NCAM2: variants seen among roughly 807,000 people sequenced by gnomAD.
NCAM2 encodes the protein N-CAM-2.
Under a neutral mutation model 98.1 loss-of-function variants are expected in NCAM2, and 30 were observed. The ratio of observed to expected loss-of-function variants is 0.31; its 90% CI spans 0.23 to 0.41. The LOEUF is 0.41. Ranked by LOEUF, NCAM2 falls within the 10% of genes least tolerant of loss-of-function variation. NCAM2 has a pLI of 1.00. For missense variants in NCAM2, 867 were observed against 1,005.8 expected, an observed-to-expected ratio of 0.86 and a Z score of 1.87; for synonymous variants, 368 against 342.4, an observed-to-expected ratio of 1.07 and a Z score of -0.83.
intron 12 of NCAM2, among the ~76,000 whole-genome samples, chr21:21,436,125 T>C (rs2146051606): frequency 6.6e-6 from 1 of 152,354 alleles, no homozygotes; most frequent in East Asian, 1.9e-4. Flanking sequence ...ATATGAAATG[T>C]GATGTTAATA....
intron 14 of NCAM2, among the ~76,000 whole-genome samples, chr21:21,470,786 G>T (rs553306951): frequency 2.8e-5 from 4 of 141,556 alleles, no homozygotes; most frequent in African/African-American, 9.5e-5. Context: ...AACTATAATT[G>T]TCTGATAATC....
intron 1 of NCAM2, among the ~76,000 whole-genome samples, chr21:21,203,461 A>G (rs1027228704): frequency 3.3e-5 from 5 of 152,168 alleles, no homozygotes; most frequent in African/African-American, 1.2e-4. Context: ...TTGCCTGTAC[A>G]AAGTTCCTTT....
At chr21:21,055,738 TC>T (rs2065197226) in intron 1 of NCAM2, among the ~76,000 whole-genome samples, 1 of 152,094 alleles carries the variant, frequency 6.6e-6, no homozygotes. Context: ...ACTAAGTGTC[TC>T]ATCACTTAGT....
At chr21:21,294,124 G>T (rs1393605058) in intron 5 of NCAM2, among the ~76,000 whole-genome samples, 1 of 151,282 alleles carries the variant, frequency 6.6e-6, no homozygotes, top group African/African-American at 2.4e-5. Context: ...TTTAATGACA[G>T]ACACCGCAAT....
intron 1 of NCAM2, among the ~76,000 whole-genome samples, chr21:21,060,750 CATTTTTAACCT>C (rs1034495043): frequency 6.6e-6 from 1 of 152,010 alleles, no homozygotes; most frequent in Non-Finnish European, 1.5e-5. Flanking sequence ...TTGAAGAGCC[CATTTTTAACCT>C]ATTTGTTGGC....
intron 1 of NCAM2, among the ~76,000 whole-genome samples, chr21:21,123,352 G>A (rs531134777): frequency 6.6e-6 from 1 of 151,604 alleles, no homozygotes; most frequent in Non-Finnish European, 1.5e-5. Flanking sequence ...AGTCAAGATC[G>A]CGCCACTGCA....
chr21:21,043,709 G>A (rs1239702771), intron 1 of NCAM2, among the ~76,000 whole-genome samples: 1 of 151,756 alleles, frequency 6.6e-6, no homozygotes, highest in Non-Finnish European at 1.5e-5. Context: ...AAAAAAATTA[G>A]CTGGGCGTGG....
chr21:21,213,093 A>T (rs1315391878), intron 1 of NCAM2, among the ~76,000 whole-genome samples: 1 of 152,142 alleles, frequency 6.6e-6, no homozygotes, highest in Admixed American at 6.6e-5. Context: ...AAATGAGTCA[A>T]TGTATGAATG....
At chr21:21,103,202 T>C (rs2066280172) in intron 1 of NCAM2, among the ~76,000 whole-genome samples, 1 of 149,222 alleles carries the variant, frequency 6.7e-6, no homozygotes, top group African/African-American at 2.5e-5. Flanking sequence ...AATCTCACCT[T>C]ATTTTTAAAC....
intron 1 of NCAM2, among the ~76,000 whole-genome samples, chr21:21,162,868 C>T (rs1250592534): frequency 2.0e-5 from 3 of 152,060 alleles, no homozygotes; most frequent in African/African-American, 4.8e-5. Flanking sequence ...GTGAAGAAAC[C>T]GGATTGATGT....
intron 1 of NCAM2, among the ~76,000 whole-genome samples, chr21:21,116,526 C>T (rs137878043): frequency 3.3e-5 from 5 of 152,242 alleles, no homozygotes; most frequent in African/African-American, 9.6e-5. Context: ...TTAACACCTG[C>T]TTGGTCCATT....
chr21:21,428,690 A>G (rs767991968), intron 11 of NCAM2, among the ~76,000 whole-genome samples: 2 of 152,186 alleles, frequency 1.3e-5, no homozygotes, highest in Non-Finnish European at 2.9e-5. Flanking sequence ...TAGTGTTTTG[A>G]CTGATTGTGA....
Position 21,538,011 on chromosome 21 carries a change from A to G in NCAM2, c.*54A>G. On this transcript the variant is annotated 3_prime_UTR_variant, in exon 18 of 18. Transcript: ENST00000400546. ...CTACGAAGAGTATTTGGATTGCGTG[A>G]CCCTATGACCAAAACTATTCCATTG... The G allele has an allele frequency of 9.7e-7, 1 of 1,029,290 alleles. No individual in the cohort carries two copies. The highest frequency in any genetic ancestry group is 1.4e-6 in the Non-Finnish European group (1 of 713,012). The allele number at this position is 1,029,290 out of a possible 1,614,324, so 63.8% of individuals were successfully genotyped here.
intron 12 of NCAM2, among the ~76,000 whole-genome samples, chr21:21,444,419 C>T (rs1361964214): frequency 6.6e-6 from 1 of 152,060 alleles, no homozygotes; most frequent in East Asian, 1.9e-4. Flanking sequence ...ACCAGCTCCT[C>T]TTTGTAACTC....
At chr21:21,171,990 A>G (rs2068140255) in intron 1 of NCAM2, among the ~76,000 whole-genome samples, 1 of 152,216 alleles carries the variant, frequency 6.6e-6, no homozygotes, top group South Asian at 2.1e-4. Flanking sequence ...AGCAAAATAA[A>G]TAAATTTTAT....
At chr21:21,110,304 G>C (rs1340195448) in intron 1 of NCAM2, among the ~76,000 whole-genome samples, 2 of 152,036 alleles carry the variant, frequency 1.3e-5, no homozygotes, top group African/African-American at 4.8e-5. Flanking sequence ...GATATTTCAG[G>C]GCTTGGGAAA....
intron 1 of NCAM2, among the ~76,000 whole-genome samples, chr21:21,194,409 C>T (rs1200504707): frequency 2.0e-5 from 3 of 152,164 alleles, no homozygotes; most frequent in South Asian, 2.1e-4. Flanking sequence ...AAACTTTTTA[C>T]ATCTATTAAC....
At chr21:21,529,838 C>G (rs1989525866) in intron 16 of NCAM2, among the ~76,000 whole-genome samples, 1 of 151,086 alleles carries the variant, frequency 6.6e-6, no homozygotes, top group South Asian at 2.1e-4. Context: ...AAAAGCAGTA[C>G]CAACATATAT....
At chr21:21,027,857 A>C (rs2146209688) in intron 1 of NCAM2, among the ~76,000 whole-genome samples, 1 of 149,208 alleles carries the variant, frequency 6.7e-6, no homozygotes, top group East Asian at 2.0e-4. Flanking sequence ...TTGTTTCTTA[A>C]GTTTTTTTTT....
Sources: gnomAD v4.1 joint callset for allele counts (sites outside exome capture counted in the v4.1 genomes callset) on GRCh38, gnomAD v4.1.1 for gene constraint, MANE v1.5 for transcripts, NCBI Gene and HGNC (gene_info 2026-07-23, HGNC 2026-07-21) for gene names.